The following KDM3A variants were observed in gnomAD, a reference collection of about 807,000 sequenced individuals.
The protein encoded by KDM3A is lysine-specific demethylase 3A.
Under a neutral mutation model 158.0 loss-of-function variants are expected in KDM3A, and 60 were observed. The ratio of observed to expected loss-of-function variants is 0.38; its 90% CI spans 0.31 to 0.47. The LOEUF (loss-of-function observed/expected upper bound fraction) is 0.47. KDM3A is among the 20% of genes least tolerant of loss of function. KDM3A has a pLI of 0.99. For missense variants in KDM3A, 1,319 were observed against 1,574.3 expected, an observed-to-expected ratio of 0.84 and a Z score of 2.74; for synonymous variants, 608 against 549.3, an observed-to-expected ratio of 1.11 and a Z score of -1.49.
At chr2:86,486,994 A>C (rs1265143266) in intron 21 of KDM3A, 1 of 152,274 alleles carries the variant, frequency 6.6e-6, no homozygotes, top group East Asian at 1.9e-4. Flanking sequence ...TGAGTCCTCC[A>C]TGTGCTGTGG....
At chr2:86,450,902 G>GTCTA (rs1474633971) in intron 3 of KDM3A, among the ~76,000 whole-genome samples, 2 of 152,048 alleles carry the variant, frequency 1.3e-5, no homozygotes, top group Non-Finnish European at 2.9e-5. Flanking sequence ...ACTCCCAAAT[G>GTCTA]TCTATCTGGT....
At chr2:86,440,212 A>G (rs909708642), upstream of KDM3A, among the ~76,000 whole-genome samples, 2 of 152,212 alleles carry the variant, frequency 1.3e-5, no homozygotes, top group Non-Finnish European at 2.9e-5. Flanking sequence ...AAAAACTTAA[A>G]ATCACATTCA....
At chr2:86,468,010 AGT>A (rs1673233515) in intron 10 of KDM3A, among the ~76,000 whole-genome samples, 1 of 152,202 alleles carries the variant, frequency 6.6e-6, no homozygotes, top group South Asian at 2.1e-4. Context: ...TGGGCAACAG[AGT>A]GAGAGCTTGG....
rs772816941 is a variant in KDM3A, at chr2:86,484,988, C to T, written c.3141C>T (p.Asp1047=). Residue 1047 remains aspartate (D), a synonymous_variant, in exon 20 of 26, where the codon GAC becomes GAT. Transcript: ENST00000312912. The part of the protein sequence containing the change: ...EKEPMVLKLK[D]WPPGEDFRDM... ...AACCAATGGTGTTGAAACTTAAGGA[C>T]TGGCCACCAGGAGAAGATTTTAGAG... 1.2e-6 allele frequency: 2 copies of T among 1,609,632 alleles called. No individual in the cohort carries two copies. Among genetic ancestry groups the T allele is most frequent in the African/African-American group, 1.3e-5 (1 of 74,798 alleles).
At chr2:86,453,771 G>T (rs1672570522) in intron 4 of KDM3A, among the ~76,000 whole-genome samples, 1 of 152,114 alleles carries the variant, frequency 6.6e-6, no homozygotes, top group South Asian at 2.1e-4. Context: ...CTTGGCAAAA[G>T]AAATACATTT....
At chr2:86,441,928 T>G (rs1558599068) in intron 1 of KDM3A, 90 bp from the exon 2 acceptor site, 12 of 1,048,370 alleles carry the variant, frequency 1.1e-5, no homozygotes, top group African/African-American at 1.6e-5. Context: ...TCGCGCGGGT[T>G]CGGCGCCCTC....
At chr2:86,470,519 G>A (rs1279043880) in intron 11 of KDM3A, 111 bp downstream of exon 11, 1 of 811,546 alleles carries the variant, frequency 1.2e-6, no homozygotes, top group Non-Finnish European at 2.0e-6. Context: ...GTAAAAAGGT[G>A]GTAGATGTTG....
chr2:86,462,386 G>A (rs925913074), intron 8 of KDM3A, among the ~76,000 whole-genome samples: 11 of 152,108 alleles, frequency 7.2e-5, no homozygotes. Flanking sequence ...GTAAAATTGA[G>A]CCTTGAATAA....
At chr2:86,451,079 C>A in intron 3 of KDM3A, 24 bp from the exon 4 acceptor site, 1 of 1,497,606 alleles carries the variant, frequency 6.7e-7, no homozygotes, top group Non-Finnish European at 9.2e-7. Context: ...AGTTATGATG[C>A]TAAAGTGTTT....
chr2:86,474,742 T>TGTGTGTAAA, intron 11 of KDM3A, 34 bp from the exon 12 acceptor site: 16 of 1,083,094 alleles, frequency 1.5e-5, no homozygotes, highest in Non-Finnish European at 2.3e-5. Context: ...TGTGTGTGTG[T>TGTGTGTAAA]ACATTACATC....
chr2:86,439,468 T>G (rs997599020), upstream of KDM3A, among the ~76,000 whole-genome samples: 3 of 152,098 alleles, frequency 2.0e-5, no homozygotes, highest in Non-Finnish European at 1.5e-5. Flanking sequence ...TTTTATAACT[T>G]TTATAAAATG....
chr2:86,455,218 C>A (rs375986346), intron 5 of KDM3A, 31 bp downstream of exon 5: 1 of 1,159,756 alleles, frequency 8.6e-7, no homozygotes, highest in South Asian at 1.4e-5. Context: ...TGATAGTTCA[C>A]GAGTTGACCA....
At chr2:86,481,146 T>G (rs777053973) in intron 16 of KDM3A, among the ~76,000 whole-genome samples, 3 of 152,210 alleles carry the variant, frequency 2.0e-5, no homozygotes, top group Non-Finnish European at 4.4e-5. Flanking sequence ...TGTTAATGAT[T>G]TACAAAAAAC....
chr2:86,442,460 G>A, intron 2 of KDM3A: 1 of 470,566 alleles, frequency 2.1e-6, no homozygotes, highest in Non-Finnish European at 3.8e-6. Context: ...GCTTAGGGTT[G>A]TTCAGACACG....
chr2:86,456,964 C>T lies in KDM3A; in HGVS notation c.755-19C>T. 2 of 1,585,724 alleles carry T rather than the reference C, an allele frequency of 1.3e-6. No homozygotes were observed. ...AGAGAAACAGGGAAGCCAACTTAACCTATTTTTAAATATTTTAGGTAATTC... is the reference window on the plus strand; with the variant it reads ...AGAGAAACAGGGAAGCCAACTTAACTTATTTTTAAATATTTTAGGTAATTC... On this transcript the variant is annotated intron_variant, in intron 7 of 25. Transcript: ENST00000312912.
intron 13 of KDM3A, 56 bp downstream of exon 13, chr2:86,478,085 T>C (rs768664094): frequency 1.2e-6 from 2 of 1,610,184 alleles, no homozygotes; most frequent in African/African-American, 2.7e-5. Flanking sequence ...TCAAGTGTTT[T>C]TGTTGATTTG....
Position 86,446,089 on chromosome 2 carries a change from T to G in KDM3A, c.187-3718T>G, listed in dbSNP as rs115372897. ...TTTGATATTAGTTTATTAGATACAATATTAATTCATATATCAGAAAGATTT... is the reference window on the plus strand; with the variant it reads ...TTTGATATTAGTTTATTAGATACAAGATTAATTCATATATCAGAAAGATTT... On this transcript the variant is annotated intron_variant, in intron 2 of 25. Coordinates refer to ENST00000312912, the MANE Select transcript of KDM3A (RefSeq NM_018433.6). Among the ~76,000 whole-genome samples, 883 of 152,326 alleles carry G rather than the reference T, an allele frequency of 5.8e-3. 5 individuals are homozygous for G. Among genetic ancestry groups the G allele is most frequent in the Non-Finnish European group, 9.8e-3 (667 of 68,030 alleles).
intron 4 of KDM3A, among the ~76,000 whole-genome samples, chr2:86,453,130 A>G (rs181906258): frequency 2.4e-3 from 368 of 151,754 alleles, no homozygotes; most frequent in Non-Finnish European, 3.7e-3. Flanking sequence ...GGGATTGAGA[A>G]AGAAACATCT....
intron 25 of KDM3A, 49 bp from the exon 26 acceptor site, chr2:86,491,990 G>A: frequency 8.1e-7 from 1 of 1,235,272 alleles, no homozygotes; most frequent in Non-Finnish European, 1.2e-6. Flanking sequence ...TTAGTGACAG[G>A]TTTTAGATTT....
Sources: gnomAD v4.1 joint callset for allele counts (sites outside exome capture counted in the v4.1 genomes callset) on GRCh38, gnomAD v4.1.1 for gene constraint, MANE v1.5 for transcripts, NCBI Gene and HGNC (gene_info 2026-07-23, HGNC 2026-07-21) for gene names.